The following IL1RAPL1 variants were observed in gnomAD, a reference collection of about 807,000 sequenced individuals.
IL1RAPL1 encodes the protein interleukin-1 receptor accessory protein-like 1.
Under a neutral mutation model 48.4 loss-of-function variants are expected in IL1RAPL1, and 3 were observed. The ratio of observed to expected loss-of-function variants is 0.06; its 90% CI spans 0.03 to 0.16. IL1RAPL1 has a LOEUF of 0.16. IL1RAPL1 is among the 10% of genes least tolerant of loss of function. The pLI is 1.00. For synonymous variants in IL1RAPL1, 185 were observed against 187.7 expected (o/e 0.99, Z 0.12); for missense variants, 349 against 530.6 (o/e 0.66, Z 3.36).
At chrX:29,877,081 GGTTTT>G (rs1448276224) in intron 6 of IL1RAPL1, among the ~76,000 whole-genome samples, 2 of 111,469 alleles carry the variant, frequency 1.8e-5, no homozygotes, top group East Asian at 2.8e-4. Context: ...CATAGGCAGG[GGTTTT>G]GTTTTATTTG....
chrX:29,420,148 C>T (rs187316927), intron 5 of IL1RAPL1, among the ~76,000 whole-genome samples: 4 of 111,851 alleles, frequency 3.6e-5, no homozygotes, highest in African/African-American at 1.3e-4. Context: ...GGTCACTGAC[C>T]AGAAAGACTG....
intron 9 of IL1RAPL1, among the ~76,000 whole-genome samples, chrX:29,948,207 GTGT>G (rs1319359281): frequency 1.8e-5 from 2 of 111,058 alleles, no homozygotes; most frequent in Admixed American, 1.9e-4. Context: ...AAGCTTCTGG[GTGT>G]TTTTTTCACT....
intron 1 of IL1RAPL1, among the ~76,000 whole-genome samples, chrX:28,691,999 C>A (rs1039074952): frequency 4.5e-5 from 5 of 111,530 alleles, no homozygotes; most frequent in Non-Finnish European, 9.4e-5. Flanking sequence ...GCTGCTTCCC[C>A]TCATGGCTGA....
chrX:29,519,717 TG>T (rs1171889546), intron 5 of IL1RAPL1, among the ~76,000 whole-genome samples: 1 of 111,330 alleles, frequency 9.0e-6, no homozygotes, highest in Non-Finnish European at 1.9e-5. Context: ...TCACTGATCT[TG>T]GGGTCCTAGC....
At chrX:29,714,606 T>C (rs1356187310) in intron 6 of IL1RAPL1, among the ~76,000 whole-genome samples, 1 of 111,930 alleles carries the variant, frequency 8.9e-6, no homozygotes, top group Non-Finnish European at 1.9e-5. Context: ...CTGATGGTCT[T>C]TCTGATTTTG....
At chrX:28,616,712 G>C (rs374069366) in intron 1 of IL1RAPL1, among the ~76,000 whole-genome samples, 1 of 112,134 alleles carries the variant, frequency 8.9e-6, no homozygotes, top group East Asian at 2.8e-4. Flanking sequence ...GATTACAGGC[G>C]TGAGCCACCG....
intron 8 of IL1RAPL1, among the ~76,000 whole-genome samples, chrX:29,927,947 A>G (rs1466653636): frequency 1.0e-5 from 1 of 100,152 alleles, no homozygotes; most frequent in African/African-American, 3.9e-5. Flanking sequence ...GGAAGGAAGG[A>G]GAGGAAAGAA....
chrX:28,714,549 A>T (rs1935480557), intron 1 of IL1RAPL1, among the ~76,000 whole-genome samples: 1 of 112,092 alleles, frequency 8.9e-6, no homozygotes, highest in Non-Finnish European at 1.9e-5. Context: ...CCAAGACACA[A>T]ACTCATGCAC....
At chrX:28,668,297 C>T (rs778281042) in intron 1 of IL1RAPL1, among the ~76,000 whole-genome samples, 11 of 111,361 alleles carry the variant, frequency 9.9e-5, no homozygotes, top group Non-Finnish European at 1.1e-4. Flanking sequence ...CTCACCCTGT[C>T]GCCCAGGCTG....
chrX:29,916,049 T>C (rs1194959099), intron 6 of IL1RAPL1, among the ~76,000 whole-genome samples: 1 of 101,637 alleles, frequency 9.8e-6, no homozygotes, highest in African/African-American at 3.6e-5. Flanking sequence ...GGTTTCCAGT[T>C]TCATCCATGT....
Position 29,024,693 on chromosome X carries a change from G to A in IL1RAPL1, c.82+235268G>A, listed in dbSNP as rs532668307. Among the ~76,000 whole-genome samples the A allele has an allele frequency of 1.3e-4, 15 of 111,708 alleles. No homozygotes were observed. In the South Asian group the frequency reaches 4.9e-3, roughly 36 times the overall value. Reference sequence around the variant, plus strand: ...TTAACATGAATGGGAATAAATATCCGATTTAGTTCCTTAATGTCTTTAATG... The same window carrying A: ...TTAACATGAATGGGAATAAATATCCAATTTAGTTCCTTAATGTCTTTAATG... On this transcript the variant is annotated intron_variant, in intron 2 of 10. Coordinates refer to ENST00000378993, the MANE Select transcript of IL1RAPL1 (RefSeq NM_014271.4).
In IL1RAPL1 at chrX:29,075,983, A is replaced by C. The variant is rs1244281974; in HGVS notation, c.83-206955A>C. ...TTTTAACAAATATACCTAAATATTA[A>C]AATTACTAAGTAATTTTGTCCATTG... On this transcript the variant is annotated intron_variant, in intron 2 of 10. Transcript: ENST00000378993. Among the ~76,000 whole-genome samples, 5 of 111,731 alleles carry C rather than the reference A, an allele frequency of 4.5e-5. No individual in the cohort carries two copies. In the East Asian group the frequency reaches 1.4e-3, roughly 31 times the overall value.
At chrX:28,638,316 A>C (rs2146897128) in intron 1 of IL1RAPL1, among the ~76,000 whole-genome samples, 1 of 111,613 alleles carries the variant, frequency 9.0e-6, no homozygotes, top group African/African-American at 3.2e-5. Context: ...GTCAGAGAAT[A>C]AAATGGGCAA....
intron 3 of IL1RAPL1, among the ~76,000 whole-genome samples, chrX:29,362,090 A>T (rs1485247848): frequency 8.9e-6 from 1 of 112,422 alleles, no homozygotes; most frequent in Non-Finnish European, 1.9e-5. Context: ...TTCTAAAAAA[A>T]TTATCATCAA....
intron 2 of IL1RAPL1, among the ~76,000 whole-genome samples, chrX:28,865,910 G>C (rs1168053919): frequency 1.8e-5 from 2 of 111,561 alleles, no homozygotes; most frequent in African/African-American, 6.5e-5. Context: ...AGAGAATGTT[G>C]GCCTTGAAAA....
intron 2 of IL1RAPL1, among the ~76,000 whole-genome samples, chrX:29,216,951 A>C: frequency 8.9e-6 from 1 of 111,849 alleles, no homozygotes; most frequent in East Asian, 2.8e-4. Context: ...TACAGGGCCA[A>C]GGTCTCACCA....
intron 2 of IL1RAPL1, among the ~76,000 whole-genome samples, chrX:28,934,886 A>C (rs976542002): frequency 8.9e-6 from 1 of 111,773 alleles, no homozygotes; most frequent in Non-Finnish European, 1.9e-5. Context: ...TTATGAATAG[A>C]AATGCTGTGT....
chrX:29,404,449 A>G (rs754020218), intron 5 of IL1RAPL1, among the ~76,000 whole-genome samples: 48 of 111,312 alleles, frequency 4.3e-4, no homozygotes, highest in African/African-American at 1.5e-3. Context: ...TTTTAGATAT[A>G]TATTTTAGTG....
chrX:29,903,509 A>T (rs1932541250), intron 6 of IL1RAPL1, among the ~76,000 whole-genome samples: 1 of 110,675 alleles, frequency 9.0e-6, no homozygotes, highest in Non-Finnish European at 1.9e-5. Context: ...ATTAGAGGAG[A>T]ATTTTCTTTT....
Sources: gnomAD v4.1 joint callset for allele counts (sites outside exome capture counted in the v4.1 genomes callset) on GRCh38, gnomAD v4.1.1 for gene constraint, MANE v1.5 for transcripts, NCBI Gene and HGNC (gene_info 2026-07-23, HGNC 2026-07-21) for gene names.